ARHGAP20: variants seen among roughly 807,000 people sequenced by gnomAD.
ARHGAP20 encodes the protein rho GTPase-activating protein 20.
In ARHGAP20, 34 loss-of-function variants were observed where a neutral mutation model predicts 73.7. The observed-to-expected ratio is 0.46, with a 90% CI of 0.35 to 0.61. ARHGAP20 has a LOEUF of 0.61. Among genes scored for constraint, ARHGAP20 ranks in the 20% least tolerant of loss-of-function variants. The pLI, the probability that ARHGAP20 is intolerant of heterozygous loss-of-function variation, is 0.00. For synonymous variants in ARHGAP20, 523 were observed against 518.2 expected (o/e 1.01, Z -0.13); for missense variants, 1,314 against 1,420.9 (o/e 0.92, Z 1.21).
chr11:110,578,175 T>A lies in ARHGAP20; in HGVS notation c.*1195A>T, dbSNP rs1947338404. ...GAAAGAAAGGTCCATGGATATAAAA[T>A]AAACCAATGGGGTATAAGCCATGAA... On this transcript the variant is annotated 3_prime_UTR_variant, in exon 15 of 15. Transcript: ENST00000683387. 1.0e-6 allele frequency: 1 copy of A among 985,248 alleles called. No homozygotes were observed. Among genetic ancestry groups the A allele is most frequent in the African/African-American group, 1.7e-5 (1 of 57,212 alleles). The allele number at this position is 985,248 out of a possible 1,614,324, so 61.0% of individuals were successfully genotyped here. A position where few individuals can be genotyped will look rare whatever the true frequency, so the allele number is the denominator to read the frequency against.
intron 2 of ARHGAP20, among the ~76,000 whole-genome samples, chr11:110,682,535 T>A (rs1950056899): frequency 6.6e-6 from 1 of 152,154 alleles, no homozygotes; most frequent in African/African-American, 2.4e-5. Flanking sequence ...TGGTCCTGTC[T>A]CTGACATTAA....
chr11:110,584,951 A>ATG (rs368546089), intron 12 of ARHGAP20, among the ~76,000 whole-genome samples: 27,944 of 93,708 alleles, frequency 0.3, 2,937 homozygotes, highest in Admixed American at 0.47. Context: ...ATATGAATAT[A>ATG]TGAATATATG....
intron 10 of ARHGAP20, among the ~76,000 whole-genome samples, 172 bp downstream of exon 10, chr11:110,591,805 T>G (rs1591300548): frequency 6.6e-6 from 1 of 152,376 alleles, no homozygotes; most frequent in East Asian, 1.9e-4. Context: ...GTCTTCCTTC[T>G]GATTTCACAG....
chr11:110,700,081 G>A (rs1950414527), intron 1 of ARHGAP20, among the ~76,000 whole-genome samples: 1 of 151,900 alleles, frequency 6.6e-6, no homozygotes, highest in African/African-American at 2.4e-5. Flanking sequence ...ACTATTTTTG[G>A]AACCTCTAAA....
At chr11:110,691,626 T>C (rs1487578411) in intron 1 of ARHGAP20, among the ~76,000 whole-genome samples, 2 of 152,206 alleles carry the variant, frequency 1.3e-5, no homozygotes, top group African/African-American at 2.4e-5. Flanking sequence ...AGTAAAACAA[T>C]GATCTTAGCA....
At chr11:110,617,715 C>T (rs1289082648) in intron 4 of ARHGAP20, among the ~76,000 whole-genome samples, 3 of 152,038 alleles carry the variant, frequency 2.0e-5, no homozygotes, top group African/African-American at 7.2e-5. Context: ...TACCTGAATC[C>T]AGGACTCCCT....
At chr11:110,617,561 C>T (rs1250170510) in intron 4 of ARHGAP20, among the ~76,000 whole-genome samples, 2 of 152,140 alleles carry the variant, frequency 1.3e-5, no homozygotes, top group East Asian at 3.9e-4. Flanking sequence ...CTGTGCCTGG[C>T]CAATTCATTC....
chr11:110,597,611 T>A (rs181721350), intron 9 of ARHGAP20, among the ~76,000 whole-genome samples: 4 of 152,338 alleles, frequency 2.6e-5, no homozygotes, highest in Admixed American at 2.6e-4. Flanking sequence ...ATTTTATTAT[T>A]TCTAAAACAA....
Position 110,577,100 on chromosome 11 carries a change from A to G in ARHGAP20, c.*2270T>C. ...AACAGACAGCATGGACTTCATACATATCCATTATCAGTGCCTTGAAAACCA... is the reference window on the plus strand; with the variant it reads ...AACAGACAGCATGGACTTCATACATGTCCATTATCAGTGCCTTGAAAACCA... On this transcript the variant is annotated 3_prime_UTR_variant, in exon 15 of 15. Transcript: ENST00000683387. 6.5e-7 allele frequency: 1 copy of G among 1,530,806 alleles called. No homozygotes were observed. Among genetic ancestry groups the G allele is most frequent in the Non-Finnish European group, 8.7e-7 (1 of 1,143,784 alleles). 94.8% of individuals were successfully genotyped at this position (1,530,806 alleles called of 1,614,324 possible).
Position 110,698,889 on chromosome 11 carries a change from T to C in ARHGAP20, c.106-8260A>G, listed in dbSNP as rs1471036630. Among the ~76,000 whole-genome samples the C allele has an allele frequency of 2.0e-5, 3 of 151,890 alleles. No individual in the cohort carries two copies. In the East Asian group the frequency reaches 5.8e-4, roughly 29 times the overall value. Reference sequence around the variant, plus strand: ...AACTTTTTGTTTCACTGATCCTTTATATCTTTTTTTGTCTCAATTTCATTT... The same window carrying C: ...AACTTTTTGTTTCACTGATCCTTTACATCTTTTTTTGTCTCAATTTCATTT... On this transcript the variant is annotated intron_variant, in intron 1 of 14. Coordinates refer to ENST00000683387, the MANE Select transcript of ARHGAP20 (RefSeq NM_001384657.1).
intron 2 of ARHGAP20, among the ~76,000 whole-genome samples, chr11:110,675,563 AGATT>A (rs1949913467): frequency 1.3e-5 from 2 of 152,278 alleles, no homozygotes; most frequent in South Asian, 4.1e-4. Context: ...CACAGGCTTT[AGATT>A]CCCATAAGGT....
chr11:110,577,283 A>AAAT lies in ARHGAP20; in HGVS notation c.*2084_*2086dup. The stretch of plus-strand genomic sequence containing the variant: ...TATTATAGATTGATGGAGTATAATA[A>AAAT]AATGACATATAGTCTGTCTTCAAAT... On this transcript the variant is annotated 3_prime_UTR_variant, in exon 15 of 15. Coordinates refer to ENST00000683387, the MANE Select transcript of ARHGAP20 (RefSeq NM_001384657.1). The AAAT allele has an allele frequency of 2.2e-6, 3 of 1,391,418 alleles. No individual in the cohort carries two copies. The highest frequency in any genetic ancestry group is 2.8e-6 in the Non-Finnish European group (3 of 1,070,478). The allele number at this position is 1,391,418 out of a possible 1,614,324, so 86.2% of individuals were successfully genotyped here.
chr11:110,689,402 A>T (rs1467908441), intron 2 of ARHGAP20, among the ~76,000 whole-genome samples: 1 of 152,206 alleles, frequency 6.6e-6, no homozygotes, highest in African/African-American at 2.4e-5. Context: ...CATTCCTTTG[A>T]ACATAAAAAC....
intron 4 of ARHGAP20, among the ~76,000 whole-genome samples, chr11:110,620,686 T>A (rs918260226): frequency 2.4e-4 from 37 of 152,284 alleles, no homozygotes; most frequent in African/African-American, 3.6e-4. Flanking sequence ...TATAGTTTTT[T>A]AAAAAAATCT....
chr11:110,673,921 T>C (rs527571043), intron 2 of ARHGAP20, among the ~76,000 whole-genome samples: 1 of 151,520 alleles, frequency 6.6e-6, no homozygotes, highest in South Asian at 2.1e-4. Context: ...CATTACTTAA[T>C]AGTTGTGAGA....
chr11:110,585,577 T>C (rs1057159354), intron 12 of ARHGAP20, among the ~76,000 whole-genome samples: 2 of 152,184 alleles, frequency 1.3e-5, no homozygotes, highest in African/African-American at 4.8e-5. Flanking sequence ...CTGCTTTTTG[T>C]TAAGGGACAT....
At chr11:110,656,625 G>C (rs1354468957) in intron 2 of ARHGAP20, among the ~76,000 whole-genome samples, 2 of 152,176 alleles carry the variant, frequency 1.3e-5, no homozygotes, top group Admixed American at 6.5e-5. Flanking sequence ...GGGGATGAGA[G>C]GGTTTGCTGC....
In ARHGAP20 at chr11:110,591,957, C is replaced by A; in HGVS notation, c.1143+20G>T. ...CCAAACACCCTTTCCCATCAGTTTA[C>A]AGACCAAAATGAGCCTTACCAAGAC... On this transcript the variant is annotated intron_variant, in intron 10 of 14. Coordinates refer to ENST00000683387, the MANE Select transcript of ARHGAP20 (RefSeq NM_001384657.1). The A allele has an allele frequency of 1.2e-6, 2 of 1,612,332 alleles. No individual in the cohort carries two copies. Among genetic ancestry groups the A allele is most frequent in the Admixed American group, 3.3e-5 (2 of 59,986 alleles).
chr11:110,646,521 C>T (rs1394934916), intron 2 of ARHGAP20, among the ~76,000 whole-genome samples: 1 of 152,026 alleles, frequency 6.6e-6, no homozygotes, highest in African/African-American at 2.4e-5. Flanking sequence ...ATTTTGAGCA[C>T]ATTCCTGTTT....
Sources: gnomAD v4.1 joint callset for allele counts (sites outside exome capture counted in the v4.1 genomes callset) on GRCh38, gnomAD v4.1.1 for gene constraint, MANE v1.5 for transcripts, NCBI Gene and HGNC (gene_info 2026-07-23, HGNC 2026-07-21) for gene names.